The following SCAMP1 variants were observed in gnomAD, a reference collection of about 807,000 sequenced individuals.
SCAMP1 encodes the protein secretory carrier membrane protein 1, also known as secretory carrier-associated membrane protein 1.
A neutral mutation model predicts 41.8 loss-of-function variants in SCAMP1; 15 were observed. The observed-to-expected ratio is 0.36, with a 90% confidence interval of 0.24 to 0.55. SCAMP1 has a LOEUF of 0.55. Ranked by LOEUF, SCAMP1 falls within the 20% of genes least tolerant of loss-of-function variation. The pLI is 0.86. For synonymous variants in SCAMP1, 135 were observed against 136.8 expected (o/e 0.99, Z 0.09); for missense variants, 341 against 412.6 (o/e 0.83, Z 1.50).
At position 78,480,518 on chromosome 5, in the gene SCAMP1, T is replaced by A. The variant is rs1561295682; in HGVS notation, c.*4850T>A. On this transcript the variant is annotated 3_prime_UTR_variant, in exon 9 of 9. Transcript: ENST00000621999. ...GGCAGTTTGTAGTAGTATTCAGGTA[T>A]TTTGGGGATGGGGGAAAACACCAAA... Among the ~76,000 whole-genome samples the A allele has an allele frequency of 3.9e-5, 6 of 152,208 alleles. No homozygotes were observed. Among genetic ancestry groups the A allele is most frequent in the Non-Finnish European group, 7.3e-5 (5 of 68,032 alleles).
rs1405765529 is a variant in SCAMP1 at position 78,475,500 on chromosome 5, G to T, written c.853-4G>T. The T allele has an allele frequency of 2.5e-6, 4 of 1,577,410 alleles. No homozygotes were observed. The highest frequency in any genetic ancestry group is 2.4e-5 in the South Asian group (2 of 84,532). On this transcript the variant is annotated splice_polypyrimidine_tract_variant and splice_region_variant and intron_variant, in intron 8 of 8. Transcript: ENST00000621999. ...CCTTCTCCCACTTTTTTGTGCCTCTGTAGGTACATGGACTATATCGCACAA... is the reference window on the plus strand; with the variant it reads ...CCTTCTCCCACTTTTTTGTGCCTCTTTAGGTACATGGACTATATCGCACAA...
At chr5:78,421,635 A>G (rs145426113) in intron 5 of SCAMP1, among the ~76,000 whole-genome samples, 166 bp from the exon 6 acceptor site, 24 of 152,360 alleles carry the variant, frequency 1.6e-4, no homozygotes, top group African/African-American at 4.3e-4. Flanking sequence ...TCTGTTTTCA[A>G]ATCAAATATG....
chr5:78,437,817 G>C (rs1752799661), intron 6 of SCAMP1, among the ~76,000 whole-genome samples: 1 of 152,196 alleles, frequency 6.6e-6, no homozygotes, highest in Admixed American at 6.5e-5. Flanking sequence ...ACCTCTGATA[G>C]AATTCGGCTG....
At chr5:78,451,834 T>G (rs1753240673) in intron 7 of SCAMP1, among the ~76,000 whole-genome samples, 1 of 152,176 alleles carries the variant, frequency 6.6e-6, no homozygotes. Flanking sequence ...TTTCTATTTT[T>G]AGTAGAGACA....
In SCAMP1 at chr5:78,475,488, T is replaced by C. The variant is rs1753983061; in HGVS notation, c.853-16T>C. On this transcript the variant is annotated splice_polypyrimidine_tract_variant and intron_variant, in intron 8 of 8. Coordinates refer to ENST00000621999, the MANE Select transcript of SCAMP1 (RefSeq NM_004866.6). ...GGTTGCTACTTACCTTCTCCCACTTTTTTGTGCCTCTGTAGGTACATGGAC... is the reference window on the plus strand; with the variant it reads ...GGTTGCTACTTACCTTCTCCCACTTCTTTGTGCCTCTGTAGGTACATGGAC... 3.2e-6 allele frequency: 5 copies of C among 1,547,380 alleles called. No homozygotes were observed. The highest frequency in any genetic ancestry group is 1.4e-5 in the African/African-American group (1 of 72,336).
intron 6 of SCAMP1, among the ~76,000 whole-genome samples, chr5:78,449,460 A>G (rs577400949): frequency 6.6e-5 from 10 of 152,340 alleles, no homozygotes; most frequent in African/African-American, 2.4e-4. Context: ...CTATGGTAAC[A>G]GAAAAACAGT....
At chr5:78,425,909 G>C (rs947339340) in intron 6 of SCAMP1, among the ~76,000 whole-genome samples, 5 of 151,386 alleles carry the variant, frequency 3.3e-5, no homozygotes, top group African/African-American at 1.2e-4. Context: ...TAAGCCCCGC[G>C]TGCATTAGGT....
chr5:78,364,700 C>G (rs1667852057), intron 1 of SCAMP1, among the ~76,000 whole-genome samples: 1 of 152,062 alleles, frequency 6.6e-6, no homozygotes, highest in Non-Finnish European at 1.5e-5. Flanking sequence ...AATTTTGGCT[C>G]AAGAATTTGA....
intron 1 of SCAMP1, among the ~76,000 whole-genome samples, chr5:78,387,521 G>T (rs925673304): frequency 6.6e-6 from 1 of 151,750 alleles, no homozygotes; most frequent in Non-Finnish European, 1.5e-5. Flanking sequence ...ATCTTTTCGG[G>T]GTGTTAACCT....
At chr5:78,411,689 TG>T (rs2112129174) in intron 2 of SCAMP1, among the ~76,000 whole-genome samples, 1 of 152,158 alleles carries the variant, frequency 6.6e-6, no homozygotes, top group East Asian at 1.9e-4. Flanking sequence ...GTTGGACATT[TG>T]GGGTTTTGCT....
At chr5:78,393,484 T>C (rs901535035) in intron 2 of SCAMP1, among the ~76,000 whole-genome samples, 13 of 152,242 alleles carry the variant, frequency 8.5e-5, no homozygotes, top group African/African-American at 1.4e-4. Flanking sequence ...CATAATTTTA[T>C]AACTTATATA....
intron 7 of SCAMP1, among the ~76,000 whole-genome samples, chr5:78,456,488 T>G (rs1190215699): frequency 6.6e-6 from 1 of 151,950 alleles, no homozygotes; most frequent in East Asian, 1.9e-4. Context: ...AAAATTCTTT[T>G]CTTTAAGAAT....
At chr5:78,377,641 CAGGT>C (rs1751099332) in intron 1 of SCAMP1, among the ~76,000 whole-genome samples, 1 of 152,144 alleles carries the variant, frequency 6.6e-6, no homozygotes, top group Non-Finnish European at 1.5e-5. Flanking sequence ...TAAGGAAACA[CAGGT>C]GGGTATTTTT....
At chr5:78,467,570 T>G (rs1194982139) in intron 8 of SCAMP1, among the ~76,000 whole-genome samples, 3 of 152,310 alleles carry the variant, frequency 2.0e-5, no homozygotes, top group Non-Finnish European at 4.4e-5. Context: ...TGCAGCATAC[T>G]CTAATATTTT....
intron 7 of SCAMP1, 130 bp downstream of exon 7, chr5:78,450,164 A>G (rs1753183946): frequency 1.7e-6 from 1 of 587,082 alleles, no homozygotes; most frequent in African/African-American, 2.0e-5. Context: ...TGTTTTAAAA[A>G]TACAATTTTA....
At chr5:78,468,354 A>G (rs992707414) in intron 8 of SCAMP1, among the ~76,000 whole-genome samples, 5 of 152,236 alleles carry the variant, frequency 3.3e-5, no homozygotes, top group South Asian at 2.1e-4. Context: ...TCCTCTTTCT[A>G]TTAGAACTAT....
At chr5:78,459,686 C>G (rs1753535289) in intron 8 of SCAMP1, among the ~76,000 whole-genome samples, 1 of 151,888 alleles carries the variant, frequency 6.6e-6, no homozygotes, top group Non-Finnish European at 1.5e-5. Context: ...AGGATATTAG[C>G]CTGTTAATAA....
chr5:78,437,409 GTT>G (rs1752785981), intron 6 of SCAMP1, among the ~76,000 whole-genome samples: 1 of 152,224 alleles, frequency 6.6e-6, no homozygotes, highest in South Asian at 2.1e-4. Context: ...TTTATTGAGA[GTT>G]TTTAGCGTGA....
chr5:78,468,346 CTCTT>C (rs1753794867), intron 8 of SCAMP1, among the ~76,000 whole-genome samples: 2 of 152,120 alleles, frequency 1.3e-5, no homozygotes, highest in African/African-American at 4.8e-5. Context: ...ACAAAAGCTC[CTCTT>C]TCTATTAGAA....
Sources: gnomAD v4.1 joint callset for allele counts (sites outside exome capture counted in the v4.1 genomes callset) on GRCh38, gnomAD v4.1.1 for gene constraint, MANE v1.5 for transcripts, NCBI Gene and HGNC (gene_info 2026-07-23, HGNC 2026-07-21) for gene names.